CGNL1: variants seen among roughly 807,000 people sequenced by gnomAD.
CGNL1 encodes cingulin like 1.
In CGNL1, 132 loss-of-function variants were observed where a neutral mutation model predicts 141.2. The ratio of observed to expected loss-of-function variants is 0.93; its 90% CI spans 0.81 to 1.08. CGNL1 has a LOEUF of 1.08. CGNL1 is among the 50% of genes least tolerant of loss of function. The probability of loss-of-function intolerance (pLI) is 0.00; values close to 1 mark genes in which losing one functional copy is unlikely to be tolerated. For synonymous variants in CGNL1, 690 were observed against 622.1 expected (o/e 1.11, Z -1.63); for missense variants, 1,870 against 1,588.6 (o/e 1.18, Z -3.01).
At chr15:57,456,757 G>A (rs1484827859) in intron 7 of CGNL1, among the ~76,000 whole-genome samples, 9 of 152,094 alleles carry the variant, frequency 5.9e-5, no homozygotes, top group African/African-American at 1.9e-4. Flanking sequence ...TAAGTGCCAC[G>A]ATGGTGGGGT....
At chr15:57,386,315 C>G (rs1223622626) in intron 1 of CGNL1, among the ~76,000 whole-genome samples, 1 of 152,144 alleles carries the variant, frequency 6.6e-6, no homozygotes, top group African/African-American at 2.4e-5. Context: ...GTAATTGTGT[C>G]ACCCTCCCAT....
At chr15:57,426,417 T>A (rs570109450) in intron 1 of CGNL1, among the ~76,000 whole-genome samples, 26 of 151,500 alleles carry the variant, frequency 1.7e-4, no homozygotes, top group African/African-American at 6.3e-4. Context: ...AGCGCTGGGA[T>A]TACAGGCATG....
chr15:57,524,887 G>T (rs2031516472), intron 12 of CGNL1, 136 bp downstream of exon 12: 1 of 888,196 alleles, frequency 1.1e-6, no homozygotes, highest in Non-Finnish European at 1.7e-6. Flanking sequence ...TCACCTTCTG[G>T]ATGGGTTCCG....
chr15:57,503,703 C>T (rs1567157791), intron 8 of CGNL1, among the ~76,000 whole-genome samples: 1 of 152,084 alleles, frequency 6.6e-6, no homozygotes, highest in Non-Finnish European at 1.5e-5. Context: ...CTGGGGAGGC[C>T]TCAGAATTAT....
chr15:57,470,663 T>C (rs1480939138), intron 8 of CGNL1, among the ~76,000 whole-genome samples: 2 of 152,146 alleles, frequency 1.3e-5, no homozygotes, highest in African/African-American at 4.8e-5. Context: ...AATGCCTGAG[T>C]GTGTTTTCTG....
At chr15:57,430,615 C>T (rs181536927) in intron 1 of CGNL1, among the ~76,000 whole-genome samples, 11 of 152,046 alleles carry the variant, frequency 7.2e-5, no homozygotes, top group East Asian at 3.9e-4. Context: ...GGAAACGAGG[C>T]GGGTAGACTT....
intron 13 of CGNL1, 68 bp downstream of exon 13, chr15:57,528,883 CCTCTTTG>C (rs1158327541): frequency 2.1e-4 from 321 of 1,515,336 alleles, no homozygotes; most frequent in Non-Finnish European, 1.3e-4. Flanking sequence ...AGAGAAGCAG[CCTCTTTG>C]CTCTCAGCTC....
intron 8 of CGNL1, among the ~76,000 whole-genome samples, chr15:57,515,035 G>T (rs954347141): frequency 1.6e-4 from 25 of 152,172 alleles, no homozygotes; most frequent in African/African-American, 5.8e-4. Context: ...GAGAGTTAGG[G>T]CAGAAGTGGG....
chr15:57,385,866 G>A (rs2062477284), intron 1 of CGNL1, among the ~76,000 whole-genome samples: 1 of 152,200 alleles, frequency 6.6e-6, no homozygotes, highest in Non-Finnish European at 1.5e-5. Context: ...TTGATTCAAA[G>A]GACAGTCCCC....
At chr15:57,500,108 T>C (rs927035928) in intron 8 of CGNL1, among the ~76,000 whole-genome samples, 3 of 151,684 alleles carry the variant, frequency 2.0e-5, no homozygotes, top group Non-Finnish European at 2.9e-5. Flanking sequence ...GTGTGGGGAG[T>C]GGGAATGGGG....
intron 14 of CGNL1, among the ~76,000 whole-genome samples, chr15:57,534,711 C>T (rs2032155254): frequency 6.6e-6 from 1 of 152,216 alleles, no homozygotes; most frequent in African/African-American, 2.4e-5. Flanking sequence ...GACCTTATGA[C>T]ATCTCCTTAA....
chr15:57,451,550 G>GTCAC lies in CGNL1; in HGVS notation c.1855_1856insCACT (p.Leu619SerfsTer8), dbSNP rs1388761157. On this transcript the variant is annotated frameshift_variant, in exon 5 of 19. Transcript: ENST00000281282. LOFTEE classifies it high-confidence loss of function. Reference sequence around the variant, plus strand: ...AAGATCTATTGGAACAGAAAAGCAAGTTGACCATAGAAGTGGCTGAACTTC... The same window carrying GTCAC: ...AAGATCTATTGGAACAGAAAAGCAAGTCACTTGACCATAGAAGTGGCTGAACTTC... The GTCAC allele has an allele frequency of 2.5e-6, 4 of 1,613,100 alleles. No homozygotes were observed. Among genetic ancestry groups the GTCAC allele is most frequent in the Non-Finnish European group, 3.4e-6 (4 of 1,179,586 alleles).
At chr15:57,535,806 G>A (rs1293561847) in intron 14 of CGNL1, among the ~76,000 whole-genome samples, 2 of 152,166 alleles carry the variant, frequency 1.3e-5, no homozygotes, top group African/African-American at 4.8e-5. Flanking sequence ...TGGAGAAGGG[G>A]CGACTGAGAG....
intron 14 of CGNL1, among the ~76,000 whole-genome samples, chr15:57,539,750 A>G (rs1595813066): frequency 6.6e-6 from 1 of 152,068 alleles, no homozygotes; most frequent in African/African-American, 2.4e-5. Flanking sequence ...CTCCCCTGAC[A>G]TGGGGGGTTG....
At chr15:57,498,531 G>A (rs1261685428) in intron 8 of CGNL1, among the ~76,000 whole-genome samples, 1 of 150,902 alleles carries the variant, frequency 6.6e-6, no homozygotes, top group Admixed American at 6.6e-5. Context: ...TTTGTTTTTT[G>A]TTTGTTTGTT....
intron 1 of CGNL1, among the ~76,000 whole-genome samples, chr15:57,390,629 G>A (rs1473039185): frequency 6.6e-6 from 1 of 152,190 alleles, no homozygotes; most frequent in African/African-American, 2.4e-5. Context: ...CCTTTTGGGA[G>A]CTTGCGAGAC....
chr15:57,460,750 C>G (rs573100388), intron 7 of CGNL1, among the ~76,000 whole-genome samples: 4 of 152,152 alleles, frequency 2.6e-5, no homozygotes, highest in African/African-American at 9.7e-5. Flanking sequence ...CAGTGTCCCC[C>G]CCTTGACAAG....
chr15:57,490,888 T>C lies in CGNL1; in HGVS notation c.2404-25892T>C, dbSNP rs80191842. 3.6e-3 allele frequency among the ~76,000 whole-genome samples: 541 copies of C among 152,280 alleles called. 5 individuals carry two copies. The highest frequency in any genetic ancestry group is 0.012 in the African/African-American group (509 of 41,558). ...TGCTGAAAATGACACTTTACCTTCA[T>C]GGTCTTTCTACCCCAAACATCAGAC... On this transcript the variant is annotated intron_variant, in intron 8 of 18. Transcript: ENST00000281282.
chr15:57,500,819 G>C (rs544672452), intron 8 of CGNL1, among the ~76,000 whole-genome samples: 3 of 152,272 alleles, frequency 2.0e-5, no homozygotes, highest in Non-Finnish European at 4.4e-5. Context: ...CTAACTGAAT[G>C]CTTATTTTAG....
Sources: allele counts gnomAD v4.1 joint callset (sites outside exome capture counted in the v4.1 genomes callset), GRCh38; gene constraint gnomAD v4.1.1; transcripts MANE v1.5; gene names NCBI Gene and HGNC (gene_info 2026-07-23, HGNC 2026-07-21).